CARD19: variants seen among roughly 807,000 people sequenced by gnomAD.
CARD19 encodes the protein caspase recruitment domain-containing protein 19.
In CARD19, 25 loss-of-function variants were observed where a neutral mutation model predicts 24.1. The ratio of observed to expected loss-of-function variants is 1.04; its 90% confidence interval spans 0.76 to 1.45. The LOEUF is 1.45. Among genes scored for constraint, CARD19 ranks in the 40% most tolerant of loss-of-function variants. The pLI, the probability that CARD19 is intolerant of heterozygous loss-of-function variation, is 0.00. For synonymous variants in CARD19, 103 were observed against 104.9 expected (o/e 0.98, Z 0.11); for missense variants, 241 against 247.4 (o/e 0.97, Z 0.17).
At position 93,113,262 on chromosome 9, in the gene CARD19, A is replaced by C; in HGVS notation, c.*155A>C. 1 of 531,632 alleles carries C rather than the reference A, an allele frequency of 1.9e-6. No individual in the cohort carries two copies. The highest frequency in any genetic ancestry group is 3.3e-6 in the Non-Finnish European group (1 of 303,458). The allele number at this position is 531,632 out of a possible 1,614,324, so 32.9% of individuals were successfully genotyped here. ...CTTCACCTTACAAGGTGCTGACCAT[A>C]TTAAATGTTCAGGTTCTCTCAGCCT... On this transcript the variant is annotated 3_prime_UTR_variant, in exon 6 of 6. Coordinates refer to ENST00000375464, the MANE Select transcript of CARD19 (RefSeq NM_032310.5).
intron 2 of CARD19, among the ~76,000 whole-genome samples, chr9:93,109,321 T>C (rs1399831258): frequency 3.3e-5 from 5 of 152,172 alleles, no homozygotes; most frequent in Non-Finnish European, 7.4e-5. Flanking sequence ...TCCAGTTCCC[T>C]GTGGCCATGT....
At chr9:93,108,466 C>G (rs2130724925) in intron 2 of CARD19, among the ~76,000 whole-genome samples, 1 of 152,220 alleles carries the variant, frequency 6.6e-6, no homozygotes, top group East Asian at 1.9e-4. Context: ...CTGGTCCCCT[C>G]AGAACCCCAG....
Position 93,096,273 on chromosome 9 carries a change from G to A in CARD19, c.-73G>A. ...GGCGTTCGCTGGAGCTGGTGGACCG[G>A]GCGGCTGACCGAGGGGCGGACGCGC... On this transcript the variant is annotated 5_prime_UTR_variant, in exon 1 of 6. Transcript: ENST00000375464. This position sits in a 1 kb window ranked among gnomAD's most constrained non-coding sequence, Gnocchi z 5.4. The A allele has an allele frequency of 8.2e-7, 1 of 1,220,770 alleles. No individual in the cohort carries two copies. The highest frequency in any genetic ancestry group is 4.1e-5 in the South Asian group (1 of 24,246). 75.6% of individuals were successfully genotyped at this position (1,220,770 alleles called of 1,614,324 possible).
chr9:93,096,756 A>G lies in CARD19; in HGVS notation c.7+404A>G, dbSNP rs541601718. 7.2e-5 allele frequency among the ~76,000 whole-genome samples: 11 copies of G among 152,324 alleles called. No individual in the cohort carries two copies. Among genetic ancestry groups the G allele is most frequent in the Non-Finnish European group, 1.3e-4 (9 of 68,024 alleles). On this transcript the variant is annotated intron_variant, in intron 1 of 5. Transcript: ENST00000375464. The surrounding 1 kb of genome is among the most constrained non-coding windows in gnomAD (Gnocchi z 5.4). The stretch of plus-strand genomic sequence containing the variant: ...GTAGAAATGACACCGGAGAGAATTC[A>G]CAGCGGTCCTGCTGTGATTCTGGCC...
chr9:93,100,820 T>G (rs1327762643), intron 1 of CARD19, among the ~76,000 whole-genome samples: 1 of 152,260 alleles, frequency 6.6e-6, no homozygotes, highest in Non-Finnish European at 1.5e-5. Context: ...TCATATAATA[T>G]TTGTCCGTTT....
intron 1 of CARD19, among the ~76,000 whole-genome samples, chr9:93,103,701 C>G (rs990636433): frequency 6.6e-6 from 1 of 152,292 alleles, no homozygotes; most frequent in South Asian, 2.1e-4. Context: ...TAGGCTCATG[C>G]TTCTAGAGTT....
In CARD19 at chr9:93,113,029, T is replaced by C. The variant is rs1443640040; in HGVS notation, c.474T>C (p.Gly158=). 10 of 1,609,330 alleles carry C rather than the reference T, an allele frequency of 6.2e-6. No homozygotes were observed. The highest frequency in any genetic ancestry group is 5.0e-5 in the Admixed American group (3 of 59,652). Residue 158 remains glycine, a synonymous_variant, in exon 6 of 6, where the codon GGT becomes GGC. Coordinates refer to ENST00000375464, the MANE Select transcript of CARD19 (RefSeq NM_032310.5). ...KGLPGTRRVL[G]FSPVIIDRHV... is the part of the protein sequence containing the mutation. ...TGCCAGGGACCCGGCGCGTCCTCGG[T>C]TTCTCGCCTGTCATCATCGACAGAC...
intron 1 of CARD19, among the ~76,000 whole-genome samples, chr9:93,103,846 C>T (rs191476214): frequency 6.6e-6 from 1 of 152,298 alleles, no homozygotes; most frequent in East Asian, 1.9e-4. Context: ...ACTTCAAGCC[C>T]TTTTATAATT....
chr9:93,101,921 G>A (rs139331403), intron 1 of CARD19, among the ~76,000 whole-genome samples: 1 of 148,944 alleles, frequency 6.7e-6, no homozygotes. Flanking sequence ...TCTCATTGTG[G>A]TTTTTATTTG....
At position 93,107,026 on chromosome 9, in the gene CARD19, T is replaced by A. The variant is rs562773022; in HGVS notation, c.8-648T>A. Among the ~76,000 whole-genome samples the A allele has an allele frequency of 2.0e-5, 3 of 152,242 alleles. No individual in the cohort carries two copies. The East Asian group carries it at 5.8e-4, about 29-fold the overall frequency. ...AAAAAAAAGGCAAATGAAAAGCATT[T>A]CTAGCCCTCTGGGAGAACTCACTGG... On this transcript the variant is annotated intron_variant, in intron 1 of 5. Transcript: ENST00000375464.
chr9:93,107,476 G>A (rs1197330868), intron 1 of CARD19, among the ~76,000 whole-genome samples, 198 bp from the exon 2 acceptor site: 1 of 152,278 alleles, frequency 6.6e-6, no homozygotes, highest in Admixed American at 6.5e-5. Context: ...TGGAGAGGCA[G>A]GTTGGCAGGC....
chr9:93,109,551 C>T (rs1827384633), intron 2 of CARD19, among the ~76,000 whole-genome samples: 1 of 151,648 alleles, frequency 6.6e-6, no homozygotes, highest in Non-Finnish European at 1.5e-5. Context: ...AGTGCAACCT[C>T]TGCCTCCCAG....
At chr9:93,101,092 ATT>A (rs1554753365) in intron 1 of CARD19, among the ~76,000 whole-genome samples, 1 of 108,866 alleles carries the variant, frequency 9.2e-6, no homozygotes, top group African/African-American at 3.5e-5. Flanking sequence ...TTATTTATTT[ATT>A]TGAGACAGAG....
At chr9:93,108,698 A>C (rs1376541314) in intron 2 of CARD19, among the ~76,000 whole-genome samples, 1 of 152,180 alleles carries the variant, frequency 6.6e-6, no homozygotes, top group Non-Finnish European at 1.5e-5. Flanking sequence ...GTGTCAGGCC[A>C]CATCTTGAGT....
chr9:93,109,624 CCAGT>C (rs1407371555), intron 2 of CARD19, among the ~76,000 whole-genome samples: 3 of 152,054 alleles, frequency 2.0e-5, no homozygotes, highest in Non-Finnish European at 2.9e-5. Context: ...ACCATCATGC[CCAGT>C]CAATTTTTTG....
At chr9:93,110,446 C>T in intron 2 of CARD19, 122 bp from the exon 3 acceptor site, 2 of 1,476,420 alleles carry the variant, frequency 1.4e-6, no homozygotes, top group Non-Finnish European at 9.0e-7. Flanking sequence ...GAGCTGCCAT[C>T]CAGCAGGTGT....
chr9:93,109,314 AG>A (rs1827376641), intron 2 of CARD19, among the ~76,000 whole-genome samples: 2 of 53,440 alleles, frequency 3.7e-5, no homozygotes, highest in Admixed American at 4.2e-4. Context: ...GTTTAACTCC[AG>A]TTCCCTGTGG....
At chr9:93,100,615 T>A (rs1174974119) in intron 1 of CARD19, among the ~76,000 whole-genome samples, 1 of 152,254 alleles carries the variant, frequency 6.6e-6, no homozygotes, top group Non-Finnish European at 1.5e-5. Flanking sequence ...ACTTCAGTGA[T>A]ACTAAATACA....
At position 93,096,817 on chromosome 9, in the gene CARD19, C is replaced by T. The variant is rs993229476; in HGVS notation, c.7+465C>T. Among the ~76,000 whole-genome samples, 1 of 152,212 alleles carries T rather than the reference C, an allele frequency of 6.6e-6. No individual in the cohort carries two copies. The highest frequency in any genetic ancestry group is 2.4e-5 in the African/African-American group (1 of 41,454). On this transcript the variant is annotated intron_variant, in intron 1 of 5. Coordinates refer to ENST00000375464, the MANE Select transcript of CARD19 (RefSeq NM_032310.5). This position sits in a 1 kb window ranked among gnomAD's most constrained non-coding sequence, Gnocchi z 5.4. ...CGCTCCATCCTTACAACCACCCCAG[C>T]GAGGTCGCGGGACAGGCGATGCGTT...
Sources: allele counts gnomAD v4.1 joint callset (sites outside exome capture counted in the v4.1 genomes callset), GRCh38; gene constraint gnomAD v4.1.1; non-coding constraint Gnocchi (gnomAD v3.1); transcripts MANE v1.5; gene names NCBI Gene and HGNC (gene_info 2026-07-23, HGNC 2026-07-21).